Variants in ARHGEF10L observed in about 807,000 individuals in gnomAD.
The protein encoded by ARHGEF10L is rho guanine nucleotide exchange factor 10-like protein.
ARHGEF10L carries 69 observed loss-of-function variants against 141.2 expected under a neutral mutation model. The observed-to-expected ratio is 0.49, with a 90% CI of 0.40 to 0.60. ARHGEF10L has a LOEUF of 0.60. Among genes scored for constraint, ARHGEF10L ranks in the 20% least tolerant of loss-of-function variants. ARHGEF10L has a pLI of 0.00. For synonymous variants in ARHGEF10L, 711 were observed against 718.5 expected (o/e 0.99, Z 0.17); for missense variants, 1,482 against 1,734.3 (o/e 0.85, Z 2.58).
intron 15 of ARHGEF10L, among the ~76,000 whole-genome samples, chr1:17,629,332 A>G (rs770833223): frequency 3.9e-5 from 6 of 152,086 alleles, no homozygotes; most frequent in Non-Finnish European, 4.4e-5. Flanking sequence ...CGGCCCACAC[A>G]GTAGTTTTAA....
chr1:17,687,628 CG>C lies in ARHGEF10L; in HGVS notation c.3068del (p.Gly1023AlafsTer50), dbSNP rs1002731750. 2 of 1,612,924 alleles carry C rather than the reference CG, an allele frequency of 1.2e-6. No individual in the cohort carries two copies. The highest frequency in any genetic ancestry group is 1.7e-6 in the Non-Finnish European group (2 of 1,179,864). On this transcript the variant is annotated frameshift_variant, in exon 27 of 29. Coordinates refer to ENST00000361221, the MANE Select transcript of ARHGEF10L (RefSeq NM_018125.4). LOFTEE classifies it high-confidence loss of function. Reference sequence around the variant, plus strand: ...GTGAGCGTGACACACATGGTGAAGGCGGGCAGCGGCGTCTGGATGGCCTTCT... The same window carrying C: ...GTGAGCGTGACACACATGGTGAAGGCGGCAGCGGCGTCTGGATGGCCTTCT... ...EAVSVTHMVK[A>X]GSGVWMAFSS...
chr1:17,613,001 C>G, intron 7 of ARHGEF10L, 57 bp from the exon 8 acceptor site: 1 of 1,206,026 alleles, frequency 8.3e-7, no homozygotes, highest in Non-Finnish European at 1.2e-6. Context: ...TGTCTCCTTC[C>G]TGTCCCGCCT....
At chr1:17,677,118 C>T (rs879307314) in intron 26 of ARHGEF10L, among the ~76,000 whole-genome samples, 1 of 152,154 alleles carries the variant, frequency 6.6e-6, no homozygotes, top group Non-Finnish European at 1.5e-5. Flanking sequence ...GAGGCAGTCG[C>T]TTGCCTGCGA....
At chr1:17,676,813 C>T (rs2063753649) in intron 26 of ARHGEF10L, among the ~76,000 whole-genome samples, 1 of 151,844 alleles carries the variant, frequency 6.6e-6, no homozygotes, top group South Asian at 2.1e-4. Context: ...TTCCCCCAGG[C>T]CTTTGCACCC....
chr1:17,544,483 C>A (rs1005327164), intron 1 of ARHGEF10L, among the ~76,000 whole-genome samples: 1 of 148,526 alleles, frequency 6.7e-6, no homozygotes, highest in Non-Finnish European at 1.5e-5. Context: ...TTAGTAGAGA[C>A]GGGGTTTCAC....
At chr1:17,540,163 T>C (rs969336268) in intron 1 of ARHGEF10L, among the ~76,000 whole-genome samples, 1 of 151,958 alleles carries the variant, frequency 6.6e-6, no homozygotes, top group African/African-American at 2.4e-5. Context: ...TCTCTCCTTG[T>C]GTCACTGGAG....
chr1:17,648,088 C>T (rs1476768658), intron 21 of ARHGEF10L, among the ~76,000 whole-genome samples: 7 of 152,214 alleles, frequency 4.6e-5, no homozygotes, highest in Middle Eastern at 3.2e-3. Flanking sequence ...ATGGCGACCT[C>T]CTGTCCTCTG....
chr1:17,524,754 C>T, the ARHGEF10L span, among the ~76,000 whole-genome samples: 3 of 152,136 alleles, frequency 2.0e-5, no homozygotes, highest in African/African-American at 7.2e-5. Flanking sequence ...GAAGTAAGCA[C>T]CTCCCATCAT....
At chr1:17,526,497 G>A in the ARHGEF10L span, among the ~76,000 whole-genome samples, 1 of 152,206 alleles carries the variant, frequency 6.6e-6, no homozygotes, top group Non-Finnish European at 1.5e-5. Context: ...GAGGTGTTGA[G>A]AGGGTTATGA....
Position 17,561,936 on chromosome 1 carries a change from T to C in ARHGEF10L, c.-43-18617T>C, listed in dbSNP as rs1297022609. Among the ~76,000 whole-genome samples, 3 of 152,236 alleles carry C rather than the reference T, an allele frequency of 2.0e-5. No homozygotes were observed. The East Asian group carries it at 5.8e-4, about 29-fold the overall frequency. On this transcript the variant is annotated intron_variant, in intron 1 of 28. Coordinates refer to ENST00000361221, the MANE Select transcript of ARHGEF10L (RefSeq NM_018125.4). ...GGAGGCCGAGCAAAGGCATCAGAGC[T>C]GCACAGACCTGGGCCATAGCTTGGC...
chr1:17,644,996 A>G lies in ARHGEF10L; in HGVS notation c.2273-3558A>G, dbSNP rs987708697. Among the ~76,000 whole-genome samples, 1 of 152,088 alleles carries G rather than the reference A, an allele frequency of 6.6e-6. No individual in the cohort carries two copies. Among genetic ancestry groups the G allele is most frequent in the African/African-American group, 2.4e-5 (1 of 41,430 alleles). On this transcript the variant is annotated intron_variant, in intron 21 of 28. Transcript: ENST00000361221. The surrounding 1 kb of genome is among the most constrained non-coding windows in gnomAD (Gnocchi z 4.5). ...ATAGTGAGTTGGAGACTGAGGTGGGATCTGCCCGGGCCCTTCTAGCAGATC... is the reference window on the plus strand; with the variant it reads ...ATAGTGAGTTGGAGACTGAGGTGGGGTCTGCCCGGGCCCTTCTAGCAGATC...
intron 1 of ARHGEF10L, among the ~76,000 whole-genome samples, chr1:17,565,821 C>T (rs2100264074): frequency 6.6e-6 from 1 of 152,234 alleles, no homozygotes; most frequent in Non-Finnish European, 1.5e-5. Flanking sequence ...AAGATGCAGT[C>T]CCACCTTAAA....
At chr1:17,685,508 C>T (rs184450814) in intron 26 of ARHGEF10L, among the ~76,000 whole-genome samples, 1 of 152,300 alleles carries the variant, frequency 6.6e-6, no homozygotes, top group Admixed American at 6.5e-5. Context: ...ATGTCACCTC[C>T]TAGAGACACC....
intron 4 of ARHGEF10L, among the ~76,000 whole-genome samples, chr1:17,592,249 G>A (rs949155208): frequency 6.6e-6 from 1 of 152,184 alleles, no homozygotes; most frequent in African/African-American, 2.4e-5. Flanking sequence ...GGCCCCCTCT[G>A]GAGTTGTTTG....
intron 5 of ARHGEF10L, among the ~76,000 whole-genome samples, chr1:17,602,696 C>T (rs2080808297): frequency 6.6e-6 from 1 of 152,044 alleles, no homozygotes; most frequent in Non-Finnish European, 1.5e-5. Flanking sequence ...TGTGGGGGAG[C>T]GTTATGGGGT....
At chr1:17,665,587 C>T (rs528699442) in intron 26 of ARHGEF10L, among the ~76,000 whole-genome samples, 154 of 152,286 alleles carry the variant, frequency 1.0e-3, no homozygotes, top group African/African-American at 3.5e-3. Flanking sequence ...GACCGTCTTT[C>T]AGTTCTGCCA....
At position 17,603,598 on chromosome 1, in the gene ARHGEF10L, T is replaced by A. The variant is rs2080899812; in HGVS notation, c.433+7T>A. 1 of 1,608,400 alleles carries A rather than the reference T, an allele frequency of 6.2e-7. No homozygotes were observed. The highest frequency in any genetic ancestry group is 1.3e-5 in the African/African-American group (1 of 74,798). Reference sequence around the variant, plus strand: ...CCAGATGCGCATCAGCCCGGTATGATGTCTGCAGTGCTTCCCTGTTTCTCT... The same window carrying A: ...CCAGATGCGCATCAGCCCGGTATGAAGTCTGCAGTGCTTCCCTGTTTCTCT... On this transcript the variant is annotated splice_region_variant and intron_variant, in intron 6 of 28. Coordinates refer to ENST00000361221, the MANE Select transcript of ARHGEF10L (RefSeq NM_018125.4). This position sits in a 1 kb window ranked among gnomAD's most constrained non-coding sequence, Gnocchi z 4.8.
At chr1:17,678,759 C>T (rs1325385939) in intron 26 of ARHGEF10L, among the ~76,000 whole-genome samples, 1 of 152,186 alleles carries the variant, frequency 6.6e-6, no homozygotes, top group Non-Finnish European at 1.5e-5. Flanking sequence ...AAAATTTTGG[C>T]ACAGCCAGGT....
chr1:17,641,372 C>T (rs2061320146), intron 21 of ARHGEF10L, among the ~76,000 whole-genome samples: 1 of 152,212 alleles, frequency 6.6e-6, no homozygotes, highest in African/African-American at 2.4e-5. Flanking sequence ...TGGCTCACGC[C>T]TGTAATCCCA....
Sources: gnomAD v4.1 joint callset for allele counts (sites outside exome capture counted in the v4.1 genomes callset) on GRCh38, gnomAD v4.1.1 for gene constraint, Gnocchi (gnomAD v3.1) non-coding constraint, MANE v1.5 for transcripts, NCBI Gene and HGNC (gene_info 2026-07-23, HGNC 2026-07-21) for gene names.